The following NLGN4X variants were observed in gnomAD, a reference collection of about 807,000 sequenced individuals.
The protein encoded by NLGN4X is neuroligin 4 X-linked, also known as neuroligin-4, X-linked.
NLGN4X carries 3 observed loss-of-function variants against 40.3 expected under a neutral mutation model. That is an observed-to-expected ratio of 0.07 (90% CI 0.03 to 0.19). The LOEUF (loss-of-function observed/expected upper bound fraction) is 0.19, where lower values mean the gene tolerates loss of function less well. NLGN4X is among the 10% of genes least tolerant of loss of function. The probability of loss-of-function intolerance (pLI) is 1.00; values close to 1 mark genes in which losing one functional copy is unlikely to be tolerated. For synonymous variants in NLGN4X, 270 were observed against 306.8 expected (o/e 0.88, Z 1.25); for missense variants, 382 against 708.3 (o/e 0.54, Z 5.23).
intron 1 of NLGN4X, among the ~76,000 whole-genome samples, chrX:6,199,823 A>G (rs760427489): frequency 6.2e-5 from 7 of 112,285 alleles, no homozygotes; most frequent in Non-Finnish European, 1.3e-4. Context: ...TTTAGAAAAA[A>G]TCACATGCAT....
intron 2 of NLGN4X, among the ~76,000 whole-genome samples, chrX:6,102,530 T>A (rs2038933798): frequency 9.0e-6 from 1 of 110,987 alleles, no homozygotes; most frequent in African/African-American, 3.3e-5. Flanking sequence ...GTAAGCACTT[T>A]GATCTTGAAC....
At chrX:6,133,149 C>T (rs1233420052) in intron 2 of NLGN4X, among the ~76,000 whole-genome samples, 2 of 83,908 alleles carry the variant, frequency 2.4e-5, no homozygotes, top group Non-Finnish European at 5.0e-5. Flanking sequence ...ATCACGATAA[C>T]CACCATCATC....
At chrX:5,999,916 T>A (rs1602038107) in intron 3 of NLGN4X, among the ~76,000 whole-genome samples, 1 of 112,437 alleles carries the variant, frequency 8.9e-6, no homozygotes, top group Non-Finnish European at 1.9e-5. Flanking sequence ...AAAATTAACC[T>A]AAGCCCTTTG....
chrX:5,969,706 TA>T (rs1569159919), intron 3 of NLGN4X, among the ~76,000 whole-genome samples: 8 of 110,820 alleles, frequency 7.2e-5, no homozygotes, highest in Admixed American at 4.8e-4. Context: ...ATCATGCTGC[TA>T]TAAAGACACA....
At chrX:6,208,125 A>G (rs777828606) in intron 1 of NLGN4X, among the ~76,000 whole-genome samples, 41 of 112,125 alleles carry the variant, frequency 3.7e-4, no homozygotes, top group Non-Finnish European at 6.6e-4. Flanking sequence ...CATTGATGTT[A>G]ATAAGTTCTA....
At chrX:6,036,151 T>C (rs184468161) in intron 2 of NLGN4X, among the ~76,000 whole-genome samples, 51 of 111,880 alleles carry the variant, frequency 4.6e-4, no homozygotes, top group African/African-American at 1.6e-3. Context: ...TATATCTTTA[T>C]AGTACCTTTT....
intron 3 of NLGN4X, among the ~76,000 whole-genome samples, chrX:5,934,711 A>C (rs2033675849): frequency 8.9e-6 from 1 of 111,939 alleles, no homozygotes; most frequent in Admixed American, 9.6e-5. Flanking sequence ...TATGCTGCTA[A>C]ATTTCTCATA....
intron 1 of NLGN4X, among the ~76,000 whole-genome samples, chrX:6,156,828 A>T (rs73184641): frequency 0.094 from 10,330 of 109,772 alleles, 476 homozygotes; most frequent in Admixed American, 0.13. Flanking sequence ...CAGGTAAAAA[A>T]TCCTGCAGAT....
intron 3 of NLGN4X, among the ~76,000 whole-genome samples, chrX:5,984,543 T>C (rs1168863916): frequency 9.0e-6 from 1 of 111,331 alleles, no homozygotes; most frequent in East Asian, 2.8e-4. Context: ...GGAATTCCAA[T>C]CAGATTAATA....
At chrX:5,977,598 G>A (rs993128983) in intron 3 of NLGN4X, among the ~76,000 whole-genome samples, 8 of 110,055 alleles carry the variant, frequency 7.3e-5, no homozygotes, top group African/African-American at 9.9e-5. Flanking sequence ...TGGCAAAAAC[G>A]GTATATATTT....
In NLGN4X at chrX:6,153,283, T is replaced by C. The variant is rs938604028; in HGVS notation, c.-305-1512A>G. Among the ~76,000 whole-genome samples the C allele has an allele frequency of 6.3e-5, 7 of 111,356 alleles. No homozygotes were observed. In the South Asian group the frequency reaches 2.3e-3, roughly 36 times the overall value. The stretch of plus-strand genomic sequence containing the variant: ...AATACAATGGGGGGAAATTCCATAG[T>C]ACATGACATCCTGGGAAAAGTTCAC... On this transcript the variant is annotated intron_variant, in intron 1 of 5. Transcript: ENST00000381095.
chrX:6,020,297 G>C (rs1413291321), intron 3 of NLGN4X, among the ~76,000 whole-genome samples: 1 of 111,841 alleles, frequency 8.9e-6, no homozygotes, highest in Non-Finnish European at 1.9e-5. Flanking sequence ...TGTGTCATTT[G>C]GGACTACATG....
chrX:5,909,343 TCTC>T (rs1326975629), intron 3 of NLGN4X, 104 bp from the exon 4 acceptor site: 4 of 923,467 alleles, frequency 4.3e-6, no homozygotes, highest in Non-Finnish European at 6.2e-6. Context: ...TCATTCTCTC[TCTC>T]CTCAACTCTC....
rs1056696120 is a variant in NLGN4X, at chrX:5,891,233, A to G, written c.*1584T>C. The G allele has an allele frequency of 4.7e-5, 11 of 235,260 alleles. No homozygotes were observed. Among genetic ancestry groups the G allele is most frequent in the Non-Finnish European group, 8.4e-5 (11 of 130,289 alleles). 19.4% of individuals were successfully genotyped at this position (235,260 alleles called of 1,213,427 possible). On this transcript the variant is annotated 3_prime_UTR_variant, in exon 6 of 6. Coordinates refer to ENST00000381095, the MANE Select transcript of NLGN4X (RefSeq NM_181332.3). ...AAAATGGGTGAATAATTTCCATTCA[A>G]TGTCTTCTCAGTGAAGTTATCCTAA...
rs1460163262 is a variant in NLGN4X, at chrX:6,088,847, T to C, written c.473-59415A>G. Among the ~76,000 whole-genome samples, 4 of 112,137 alleles carry C rather than the reference T, an allele frequency of 3.6e-5. No homozygotes were observed. In the East Asian group the frequency reaches 1.1e-3, roughly 31 times the overall value. ...TTTCTCTGTTTATTTGATAAGTATG[T>C]GTCCCTGTACATAAACTGTAAGTTC... On this transcript the variant is annotated intron_variant, in intron 2 of 5. Coordinates refer to ENST00000381095, the MANE Select transcript of NLGN4X (RefSeq NM_181332.3).
chrX:6,115,241 G>C (rs1402846715), intron 2 of NLGN4X, among the ~76,000 whole-genome samples: 2 of 111,481 alleles, frequency 1.8e-5, no homozygotes, highest in Non-Finnish European at 3.8e-5. Context: ...TACTTTAAGA[G>C]ACATTTATTC....
Position 5,892,542 on chromosome X carries a change from T to A in NLGN4X, c.*275A>T. On this transcript the variant is annotated 3_prime_UTR_variant, in exon 6 of 6. Coordinates refer to ENST00000381095, the MANE Select transcript of NLGN4X (RefSeq NM_181332.3). The stretch of plus-strand genomic sequence containing the variant: ...CTATCACACTAAACATCGATTGGAG[T>A]GGTAGAGATCTTAAAGCAGTTATTT... The A allele has an allele frequency of 2.9e-6, 1 of 348,335 alleles. No homozygotes were observed. The allele number at this position is 348,335 out of a possible 1,213,427, so 28.7% of individuals were successfully genotyped here.
intron 1 of NLGN4X, among the ~76,000 whole-genome samples, chrX:6,179,498 T>C (rs138457841): frequency 6.0e-4 from 67 of 111,971 alleles, no homozygotes; most frequent in Non-Finnish European, 1.1e-3. Context: ...GATAGTAGGT[T>C]AAAATTTAGA....
chrX:5,919,359 G>A (rs2032937178), intron 3 of NLGN4X, among the ~76,000 whole-genome samples: 1 of 111,538 alleles, frequency 9.0e-6, no homozygotes, highest in African/African-American at 3.3e-5. Context: ...AGCTCACTTA[G>A]ATACTTGAAG....
Sources: gnomAD v4.1 joint callset for allele counts (sites outside exome capture counted in the v4.1 genomes callset) on GRCh38, gnomAD v4.1.1 for gene constraint, MANE v1.5 for transcripts, NCBI Gene and HGNC (gene_info 2026-07-23, HGNC 2026-07-21) for gene names.